The following MPND variants were observed in gnomAD, a reference collection of about 807,000 sequenced individuals.
The protein encoded by MPND is MPN domain-containing protein.
MPND carries 56 observed loss-of-function variants against 59.2 expected under a neutral mutation model. That is an observed-to-expected ratio of 0.95 (90% confidence interval 0.76 to 1.18). The LOEUF is 1.18. Ranked by LOEUF, MPND falls within the 50% of genes most tolerant of loss-of-function variation. MPND has a pLI of 0.00. For missense variants in MPND, 671 were observed against 676.0 expected, an observed-to-expected ratio of 0.99 and a Z score of 0.08; for synonymous variants, 323 against 291.9, an observed-to-expected ratio of 1.11 and a Z score of -1.09.
At chr19:4,354,218 G>A in intron 5 of MPND, 89 bp downstream of exon 5, 2 of 1,509,530 alleles carry the variant, frequency 1.3e-6, no homozygotes, top group South Asian at 1.2e-5. Context: ...TGGGGGGTGG[G>A]ACAGAGCCTC....
rs770504343 is a variant in MPND at position 4,343,972 on chromosome 19, G to A, written c.272G>A (p.Gly91Glu). ...GACGCGCTGCTGGAGCCTGGCGCCG[G>A]GGTGCTGTCCATCTACTACCTGGTG... ...LKDALLEPGA[G>E]VLSIYYLGKK... is the part of the protein sequence containing the mutation. Residue 91 changes from glycine to glutamate, a missense_variant, in exon 2 of 13, where the codon GGG becomes GAG. Physicochemically the swap from Gly to Glu is moderately conservative, Grantham distance 98. Transcript: ENST00000599840. The A allele has an allele frequency of 2.9e-6, 4 of 1,383,482 alleles. No individual in the cohort carries two copies. The highest frequency in any genetic ancestry group is 3.0e-5 in the African/African-American group (2 of 66,732). The allele number at this position is 1,383,482 out of a possible 1,614,324, so 85.7% of individuals were successfully genotyped here. A position where few individuals can be genotyped will look rare whatever the true frequency, so the allele number is the denominator to read the frequency against.
At position 4,345,913 on chromosome 19, in the gene MPND, C is replaced by A; in HGVS notation, c.463C>A (p.Leu155Met). 1 of 1,613,860 alleles carries A rather than the reference C, an allele frequency of 6.2e-7. No individual in the cohort carries two copies. Among genetic ancestry groups the A allele is most frequent in the Non-Finnish European group, 8.5e-7 (1 of 1,180,038 alleles). ...WASVKYKGQK[L>M]DKYKATWLRL... Reference sequence around the variant, plus strand: ...CTCTGTCAAGTACAAAGGCCAGAAACTGGACAAGTACAAGGCCACCTGGCT... The same window carrying A: ...CTCTGTCAAGTACAAAGGCCAGAAAATGGACAAGTACAAGGCCACCTGGCT... The change falls in exon 3 of 13, where the codon CTG (leucine) becomes ATG (methionine). Residue 155 changes from leucine to methionine, a missense_variant. Transcript: ENST00000599840.
At chr19:4,357,904 T>C (rs1432067367) in intron 10 of MPND, 179 bp from the exon 11 acceptor site, 1 of 618,400 alleles carries the variant, frequency 1.6e-6, no homozygotes, top group Non-Finnish European at 2.9e-6. Context: ...CCTCTGGGCC[T>C]CTCCCACAGT....
chr19:4,353,282 T>A (rs1169294108), intron 4 of MPND, among the ~76,000 whole-genome samples: 3 of 152,150 alleles, frequency 2.0e-5, no homozygotes, highest in Admixed American at 2.0e-4. Context: ...TTATTTATTT[T>A]TTGGTGATGG....
chr19:4,349,053 TG>T lies in MPND; in HGVS notation c.531+3074del, dbSNP rs1972254063. On this transcript the variant is annotated intron_variant, in intron 3 of 12. Transcript: ENST00000599840. The stretch of plus-strand genomic sequence containing the variant: ...AGAGGGGTTGAAAGAGTGGAGGTTC[TG>T]GATAGTGGACAAAAGATATAATTCT... 7 of 214,082 alleles carry T rather than the reference TG, an allele frequency of 3.3e-5. 1 individual carries two copies. In the South Asian group the frequency reaches 5.8e-4, roughly 18 times the overall value. 13.3% of individuals were successfully genotyped at this position (214,082 alleles called of 1,614,324 possible). A position where few individuals can be genotyped will look rare whatever the true frequency, so the allele number is the denominator to read the frequency against.
At chr19:4,353,921 C>A in intron 4 of MPND, 124 bp from the exon 5 acceptor site, 1 of 776,738 alleles carries the variant, frequency 1.3e-6, no homozygotes, top group Non-Finnish European at 2.2e-6. Context: ...CTCAACCTCC[C>A]ATGCTCAAGC....
At chr19:4,354,441 A>G in intron 6 of MPND, 21 bp downstream of exon 6, 1 of 1,547,138 alleles carries the variant, frequency 6.5e-7, no homozygotes. Flanking sequence ...CACCCTGTCT[A>G]GGGGCAAGGG....
At position 4,349,410 on chromosome 19, in the gene MPND, A is replaced by G. The variant is rs118054049; in HGVS notation, c.531+3429A>G. 3.9e-5 allele frequency among the ~76,000 whole-genome samples: 6 copies of G among 152,252 alleles called. No individual in the cohort carries two copies. In the East Asian group the frequency reaches 1.2e-3, roughly 29 times the overall value. ...TTGCCTTGGTGGGAACTGCCTGTGG[A>G]AAGCAGTGGTGGCGGGAGAAGGCGA... is the stretch of plus-strand genomic sequence containing the variant. On this transcript the variant is annotated intron_variant, in intron 3 of 12. Transcript: ENST00000599840.
At chr19:4,348,499 T>G (rs1972240349) in intron 3 of MPND, 1 of 152,032 alleles carries the variant, frequency 6.6e-6, no homozygotes, top group Non-Finnish European at 1.5e-5. Context: ...GACCTCGTGA[T>G]CCACCCCCAT....
chr19:4,354,006 G>T, intron 4 of MPND, 39 bp from the exon 5 acceptor site: 1 of 1,579,350 alleles, frequency 6.3e-7, no homozygotes, highest in South Asian at 1.1e-5. Context: ...GTTCTAACTT[G>T]GGCTGGGGAG....
intron 3 of MPND, among the ~76,000 whole-genome samples, chr19:4,346,320 A>C (rs1052600031): frequency 6.6e-6 from 1 of 152,200 alleles, no homozygotes; most frequent in Admixed American, 6.5e-5. Flanking sequence ...GGCAGGGACC[A>C]GAGGGGCACT....
At chr19:4,354,874 A>G in intron 6 of MPND, 75 bp from the exon 7 acceptor site, 1 of 1,417,206 alleles carries the variant, frequency 7.1e-7, no homozygotes, top group Non-Finnish European at 9.6e-7. Context: ...AAAGAGAATG[A>G]GGGCACAGGC....
At position 4,358,156 on chromosome 19, in the gene MPND, A is replaced by T; in HGVS notation, c.1310A>T (p.Asp437Val). The T allele has an allele frequency of 6.4e-7, 1 of 1,551,340 alleles. No homozygotes were observed. Residue 437 changes from aspartate (D) to valine (V), a missense_variant, in exon 11 of 13, where the codon GAC (aspartate) becomes GTC (valine). By Grantham distance (152) the Asp-to-Val change is radical. Transcript: ENST00000599840. ...AYVQDSFLTN[D>V]ILHEMMLLVE... Reference sequence around the variant, plus strand: ...GTCCAGGACAGCTTCCTGACCAATGACATCCTTCACGAGATGGTGAGCTCG... The same window carrying T: ...GTCCAGGACAGCTTCCTGACCAATGTCATCCTTCACGAGATGGTGAGCTCG...
At chr19:4,356,395 A>G (rs1972438795) in intron 8 of MPND, among the ~76,000 whole-genome samples, 1 of 152,144 alleles carries the variant, frequency 6.6e-6, no homozygotes, top group African/African-American at 2.4e-5. Flanking sequence ...GATAAAAAAA[A>G]TTAGCCAGAC....
At chr19:4,350,085 G>A (rs893618564) in intron 3 of MPND, among the ~76,000 whole-genome samples, 1 of 150,992 alleles carries the variant, frequency 6.6e-6, no homozygotes, top group Non-Finnish European at 1.5e-5. Flanking sequence ...GAAGGTGGTT[G>A]GGGGGGCTTC....
chr19:4,343,756 A>G lies in MPND; in HGVS notation c.56A>G (p.Glu19Gly). The G allele has an allele frequency of 3.3e-6, 4 of 1,206,364 alleles. No individual in the cohort carries two copies. Among genetic ancestry groups the G allele is most frequent in the Non-Finnish European group, 4.1e-6 (4 of 970,858 alleles). 74.7% of individuals were successfully genotyped at this position (1,206,364 alleles called of 1,614,324 possible). Residue 19 changes from glutamate (E) to glycine (G), a missense_variant, in exon 2 of 13, where the codon GAG becomes GGG. Coordinates refer to ENST00000599840, the MANE Select transcript of MPND (RefSeq NM_001300862.2). ...GGCGGTGCGGGCGAGGAGGCGCCGGAGGAGGACGAGGACGAAGCGGAGGCC... is the reference window on the plus strand; with the variant it reads ...GGCGGTGCGGGCGAGGAGGCGCCGGGGGAGGACGAGGACGAAGCGGAGGCC... ...PAGGAGEEAP[E>G]EDEDEAEAED...
At chr19:4,353,548 G>A (rs186688678) in intron 4 of MPND, among the ~76,000 whole-genome samples, 2 of 142,238 alleles carry the variant, frequency 1.4e-5, no homozygotes, top group Non-Finnish European at 3.0e-5. Flanking sequence ...GATTACAGGC[G>A]TGAGCCACTG....
chr19:4,357,973 GAGCCGGGGTGTGCACTCTCCCGTTCCC>G, intron 10 of MPND, 83 bp from the exon 11 acceptor site: 3 of 847,230 alleles, frequency 3.5e-6, no homozygotes, highest in South Asian at 1.6e-5. Context: ...GTGCAGAGCT[GAGCCGGGGTGTGCACTCTCCCGTTCCC>G]AGCCCGGGCA....
At chr19:4,357,707 T>A (rs1972474363) in intron 10 of MPND, 122 bp downstream of exon 10, 3 of 947,938 alleles carry the variant, frequency 3.2e-6, no homozygotes, top group Admixed American at 2.8e-5. Context: ...TTTCTCCATC[T>A]ATGAAATGGG....
Sources: gnomAD v4.1 joint callset for allele counts (sites outside exome capture counted in the v4.1 genomes callset) on GRCh38, gnomAD v4.1.1 for gene constraint, MANE v1.5 for transcripts, NCBI Gene and HGNC (gene_info 2026-07-23, HGNC 2026-07-21) for gene names.